PHLPP1: variants seen among roughly 807,000 people sequenced by gnomAD.
The protein encoded by PHLPP1 is PH domain and leucine rich repeat protein phosphatase 1, also known as PH domain leucine-rich repeat-containing protein phosphatase 1.
In PHLPP1, 42 loss-of-function variants were observed where a neutral mutation model predicts 117.2. The ratio of observed to expected loss-of-function variants is 0.36; its 90% CI spans 0.28 to 0.46. PHLPP1 has a LOEUF of 0.46. PHLPP1 is among the 20% of genes least tolerant of loss of function. The probability of loss-of-function intolerance (pLI) is 1.00; values close to 1 mark genes in which losing one functional copy is unlikely to be tolerated. For synonymous variants in PHLPP1, 1,042 were observed against 970.7 expected, an observed-to-expected ratio of 1.07 and a Z score of -1.37; for missense variants, 2,084 against 2,241.9, an observed-to-expected ratio of 0.93 and a Z score of 1.42.
chr18:62,754,355 C>T (rs1273705000), intron 1 of PHLPP1, among the ~76,000 whole-genome samples: 1 of 152,200 alleles, frequency 6.6e-6, no homozygotes, highest in Non-Finnish European at 1.5e-5. Flanking sequence ...TGCAGGGCAC[C>T]TGTCTGCAAG....
At chr18:62,892,086 T>G (rs1026966713) in intron 4 of PHLPP1, among the ~76,000 whole-genome samples, 1 of 25,384 alleles carries the variant, frequency 3.9e-5, no homozygotes, top group Non-Finnish European at 1.8e-4. Context: ...TTCTTTCTTT[T>G]TTTTTTTTTT....
At chr18:62,830,271 C>T (rs750557811) in intron 2 of PHLPP1, 40 bp downstream of exon 2, 17 of 1,492,766 alleles carry the variant, frequency 1.1e-5, no homozygotes, top group Non-Finnish European at 1.5e-5. Context: ...GTCAGAGTCT[C>T]ACTCTGTCAC....
intron 3 of PHLPP1, among the ~76,000 whole-genome samples, chr18:62,849,147 G>A (rs1053575834): frequency 6.6e-6 from 1 of 152,148 alleles, no homozygotes; most frequent in African/African-American, 2.4e-5. Context: ...TGATGACCAA[G>A]AGTTATTTAA....
chr18:62,811,558 T>TA (rs397711909), intron 1 of PHLPP1, among the ~76,000 whole-genome samples: 1 of 151,496 alleles, frequency 6.6e-6, no homozygotes, highest in Non-Finnish European at 1.5e-5. Context: ...TTTTTTTTTT[T>TA]AACTTCCTTT....
chr18:62,978,769 C>T lies in PHLPP1; in HGVS notation c.4492C>T (p.Pro1498Ser), dbSNP rs368683059. 6 of 1,612,696 alleles carry T rather than the reference C, an allele frequency of 3.7e-6. No individual in the cohort carries two copies. The African/African-American group carries it at 8.0e-5, about 22-fold the overall frequency. Residue 1498 changes from proline (P) to serine (S), a missense_variant, in exon 17 of 17, where the codon CCC becomes TCC. Pro to Ser is a moderately conservative substitution (Grantham distance 74). Coordinates refer to ENST00000262719, the MANE Select transcript of PHLPP1 (RefSeq NM_194449.4). This position sits in a 1 kb window ranked among gnomAD's most constrained non-coding sequence, Gnocchi z 7.0. ...GGTGGGGTCAACAGCCTCCGATGAG[C>T]CCCCGCCCGGAGCCCTAAGCGAGAA... ...SEVGSTASDEPPPGALSENSP... is the reference protein window; with the variant it reads ...SEVGSTASDESPPGALSENSP...
At chr18:62,947,070 A>AACG (rs1568170845) in intron 12 of PHLPP1, among the ~76,000 whole-genome samples, 3 of 152,182 alleles carry the variant, frequency 2.0e-5, no homozygotes, top group African/African-American at 7.2e-5. Flanking sequence ...AAACAACAAC[A>AACG]ACAACAACAA....
intron 1 of PHLPP1, among the ~76,000 whole-genome samples, chr18:62,791,221 T>C (rs1913447200): frequency 1.3e-5 from 2 of 152,120 alleles, no homozygotes; most frequent in African/African-American, 4.8e-5. Flanking sequence ...AACAAGCTGT[T>C]CAGATACGTA....
Position 62,772,701 on chromosome 18 carries a change from C to T in PHLPP1, c.1576+55442C>T, listed in dbSNP as rs373203704. Among the ~76,000 whole-genome samples, 64 of 151,850 alleles carry T rather than the reference C, an allele frequency of 4.2e-4. No homozygotes were observed. The South Asian group carries it at 0.013, about 31-fold the overall frequency. ...AAAAAATTAGCTGGGCGTAGTGGCA[C>T]ATGCCTGTAGTACCAGCTACTTGGG... On this transcript the variant is annotated intron_variant, in intron 1 of 16. Coordinates refer to ENST00000262719, the MANE Select transcript of PHLPP1 (RefSeq NM_194449.4).
chr18:62,814,945 C>G (rs918350994), intron 1 of PHLPP1, among the ~76,000 whole-genome samples: 20 of 152,078 alleles, frequency 1.3e-4, no homozygotes, highest in African/African-American at 4.1e-4. Flanking sequence ...GTTTAAAACA[C>G]CAAACATTTA....
intron 1 of PHLPP1, among the ~76,000 whole-genome samples, chr18:62,749,567 A>C (rs1568102447): frequency 1.3e-5 from 2 of 152,168 alleles, no homozygotes; most frequent in Non-Finnish European, 2.9e-5. Context: ...CACAGTCTGG[A>C]GGCTAGAAGG....
At chr18:62,747,265 T>C (rs1318039708) in intron 1 of PHLPP1, among the ~76,000 whole-genome samples, 1 of 151,488 alleles carries the variant, frequency 6.6e-6, no homozygotes, top group Non-Finnish European at 1.5e-5. Context: ...TTTTTAGGCT[T>C]TCTTCATTTC....
intron 1 of PHLPP1, among the ~76,000 whole-genome samples, chr18:62,719,800 C>T (rs1408305516): frequency 2.6e-5 from 4 of 152,098 alleles, no homozygotes; most frequent in African/African-American, 7.2e-5. Context: ...TTGAGCTTAT[C>T]TACTGTCTTG....
chr18:62,765,204 T>C (rs985406405), intron 1 of PHLPP1, among the ~76,000 whole-genome samples: 4 of 152,202 alleles, frequency 2.6e-5, no homozygotes, highest in Admixed American at 2.6e-4. Context: ...TTTTGTTGAT[T>C]GGACCTACCC....
At chr18:62,915,095 A>T in intron 9 of PHLPP1, 87 bp downstream of exon 9, 1 of 913,286 alleles carries the variant, frequency 1.1e-6, no homozygotes, top group Non-Finnish European at 1.7e-6. Context: ...TGGTATCATA[A>T]GCCTAAAAGA....
intron 9 of PHLPP1, 34 bp downstream of exon 9, chr18:62,915,042 A>G: frequency 6.9e-7 from 1 of 1,448,872 alleles, no homozygotes; most frequent in Non-Finnish European, 9.6e-7. Flanking sequence ...AGGATCTCAC[A>G]ATAAATGAGC....
chr18:62,838,579 G>T (rs781132661), intron 2 of PHLPP1: 108 of 485,954 alleles, frequency 2.2e-4, no homozygotes, highest in Admixed American at 9.2e-4. Flanking sequence ...GGGAAATATA[G>T]TAAAGATAAA....
chr18:62,920,475 T>C (rs1436364242), intron 10 of PHLPP1, among the ~76,000 whole-genome samples: 1 of 152,226 alleles, frequency 6.6e-6, no homozygotes, highest in South Asian at 2.1e-4. Context: ...GTTCCCGCTT[T>C]CACATGTTTG....
intron 1 of PHLPP1, among the ~76,000 whole-genome samples, chr18:62,729,535 CATG>C (rs1404721288): frequency 2.0e-5 from 3 of 152,124 alleles, no homozygotes; most frequent in Non-Finnish European, 4.4e-5. Flanking sequence ...ATTAGCCAAG[CATG>C]GTGGTGTGCG....
intron 9 of PHLPP1, among the ~76,000 whole-genome samples, chr18:62,917,123 G>A: frequency 6.7e-6 from 1 of 149,492 alleles, no homozygotes. Flanking sequence ...TGGCATCCAA[G>A]TTCTCTGTTT....
Sources: allele counts gnomAD v4.1 joint callset (sites outside exome capture counted in the v4.1 genomes callset), GRCh38; gene constraint gnomAD v4.1.1; non-coding constraint Gnocchi (gnomAD v3.1); transcripts MANE v1.5; gene names NCBI Gene and HGNC (gene_info 2026-07-23, HGNC 2026-07-21).